TBC1D4: variants seen among roughly 807,000 people sequenced by gnomAD.
The protein encoded by TBC1D4 is TBC1 domain family member 4, also known as TBC (Tre-2, BUB2, CDC16) domain-containing protein.
In TBC1D4, 121 loss-of-function variants were observed where a neutral mutation model predicts 142.5. That is an observed-to-expected ratio of 0.85 (90% CI 0.73 to 0.99). The LOEUF is 0.99. Ranked by LOEUF, TBC1D4 falls within the 50% of genes least tolerant of loss-of-function variation. The probability of loss-of-function intolerance (pLI) is 0.00; values close to 1 mark genes in which losing one functional copy is unlikely to be tolerated. For synonymous variants in TBC1D4, 630 were observed against 628.2 expected (o/e 1.00, Z -0.04); for missense variants, 1,475 against 1,606.6 (o/e 0.92, Z 1.40).
Position 75,362,717 on chromosome 13 carries a change from C to G in TBC1D4, c.499-110G>C. On this transcript the variant is annotated intron_variant, in intron 1 of 20. Transcript: ENST00000377636. The surrounding 1 kb of genome is among the most constrained non-coding windows in gnomAD (Gnocchi z 4.2). ...ATGTATTTTCATCCTAAATAATATA[C>G]AAAGTAATAGACACTACACGAGACA... 5.1e-6 allele frequency: 6 copies of G among 1,178,048 alleles called. No homozygotes were observed. The highest frequency in any genetic ancestry group is 7.4e-6 in the Non-Finnish European group (6 of 812,920). The allele number at this position is 1,178,048 out of a possible 1,614,324, so 73.0% of individuals were successfully genotyped here. A position where few individuals can be genotyped will look rare whatever the true frequency, so the allele number is the denominator to read the frequency against.
intron 1 of TBC1D4, among the ~76,000 whole-genome samples, chr13:75,420,631 A>G (rs1399056475): frequency 6.6e-6 from 1 of 152,240 alleles, no homozygotes; most frequent in African/African-American, 2.4e-5. Flanking sequence ...TTAGATCTCT[A>G]GTAAAGCTTT....
chr13:75,364,080 C>A (rs1194898506), intron 1 of TBC1D4, among the ~76,000 whole-genome samples: 2 of 152,044 alleles, frequency 1.3e-5, no homozygotes, highest in African/African-American at 4.8e-5. Context: ...CTCAAAGGGG[C>A]AGGGTGGGGA....
chr13:75,317,202 C>T (rs981093741), intron 12 of TBC1D4, among the ~76,000 whole-genome samples: 1 of 152,154 alleles, frequency 6.6e-6, no homozygotes, highest in Non-Finnish European at 1.5e-5. Flanking sequence ...GTAAATACTC[C>T]TTGCATTAGT....
intron 4 of TBC1D4, among the ~76,000 whole-genome samples, chr13:75,353,592 C>G (rs1302546108): frequency 2.6e-5 from 4 of 151,974 alleles, no homozygotes; most frequent in African/African-American, 4.8e-5. Context: ...AGAGAACTAA[C>G]AATAGCACAA....
intron 7 of TBC1D4, among the ~76,000 whole-genome samples, chr13:75,340,775 C>T (rs749429393): frequency 3.2e-4 from 49 of 152,040 alleles, no homozygotes; most frequent in Non-Finnish European, 6.5e-4. Flanking sequence ...GGAGAAACCC[C>T]GTCTCTACTA....
chr13:75,430,259 G>C (rs1299947087), intron 1 of TBC1D4, among the ~76,000 whole-genome samples: 1 of 152,158 alleles, frequency 6.6e-6, no homozygotes, highest in Non-Finnish European at 1.5e-5. Flanking sequence ...CCTTTAGTTG[G>C]AAGACATTCC....
At chr13:75,296,686 CAG>C (rs768513794) in intron 17 of TBC1D4, among the ~76,000 whole-genome samples, 23 of 151,264 alleles carry the variant, frequency 1.5e-4, no homozygotes, top group Admixed American at 4.0e-4. Context: ...GAAAGATGCA[CAG>C]AGAGAGATAA....
intron 12 of TBC1D4, among the ~76,000 whole-genome samples, chr13:75,319,616 G>A (rs930611102): frequency 7.9e-5 from 12 of 152,200 alleles, no homozygotes; most frequent in Admixed American, 5.2e-4. Context: ...TCAATTTTGT[G>A]AGTACGTTTC....
intron 1 of TBC1D4, among the ~76,000 whole-genome samples, chr13:75,436,283 G>A (rs925017636): frequency 3.9e-5 from 6 of 151,970 alleles, no homozygotes; most frequent in South Asian, 2.1e-4. Context: ...ACCCAGTCTC[G>A]GGTATTTCTT....
intron 1 of TBC1D4, among the ~76,000 whole-genome samples, chr13:75,409,965 A>C (rs2138391128): frequency 6.6e-6 from 1 of 152,294 alleles, no homozygotes; most frequent in Admixed American, 6.5e-5. Flanking sequence ...GTTGTAAAGG[A>C]TTTCCCCAGC....
At chr13:75,399,070 G>A (rs73535658) in intron 1 of TBC1D4, among the ~76,000 whole-genome samples, 5,240 of 152,238 alleles carry the variant, frequency 0.034, 317 homozygotes, top group African/African-American at 0.12. Context: ...AGGCGGGCGC[G>A]GTGGCTCACG....
At chr13:75,396,634 A>T (rs1433607706) in intron 1 of TBC1D4, among the ~76,000 whole-genome samples, 1 of 152,152 alleles carries the variant, frequency 6.6e-6, no homozygotes, top group Non-Finnish European at 1.5e-5. Context: ...CCAATAACTA[A>T]TGTCTGAATG....
Position 75,341,230 on chromosome 13 carries a change from C to A in TBC1D4, c.1506G>T (p.Met502Ile). 1 of 1,613,684 alleles carries A rather than the reference C, an allele frequency of 6.2e-7. No individual in the cohort carries two copies. Among genetic ancestry groups the A allele is most frequent in the East Asian group, 2.2e-5 (1 of 44,816 alleles). Residue 502 changes from methionine (M) to isoleucine (I), a missense_variant, in exon 7 of 21, where the codon ATG (methionine) becomes ATT (isoleucine). Around this residue, in one of 2 missense-constraint regions of TBC1D4, gnomAD observed 1,227 missense variants for 1,267.7 expected, o/e 0.97. Transcript: ENST00000377636. Reference sequence around the variant, plus strand: ...TTTCTTCCTGGTCACTGACTGGCTTCATTTTCTGTTCAACAGACAAACCAA... The same window carrying A: ...TTTCTTCCTGGTCACTGACTGGCTTAATTTTCTGTTCAACAGACAAACCAA... Reference protein sequence around the residue: ...QADIFERVQKMKPVSDQEENE... With the variant: ...QADIFERVQKIKPVSDQEENE...
At chr13:75,310,215 A>G in intron 13 of TBC1D4, 64 bp from the exon 14 acceptor site, 1 of 1,490,906 alleles carries the variant, frequency 6.7e-7, no homozygotes, top group Non-Finnish European at 9.2e-7. Flanking sequence ...AAGTTTCTGT[A>G]GAATTCACAT....
chr13:75,383,869 A>G (rs1040203578), intron 1 of TBC1D4, among the ~76,000 whole-genome samples: 1 of 151,962 alleles, frequency 6.6e-6, no homozygotes, highest in Non-Finnish European at 1.5e-5. Flanking sequence ...CTTGCTGAGC[A>G]CTCATTCTTA....
intron 1 of TBC1D4, among the ~76,000 whole-genome samples, chr13:75,447,500 A>ATGTGTGTGTGTGTGTG (rs35775136): frequency 3.9e-4 from 57 of 145,340 alleles, no homozygotes; most frequent in African/African-American, 1.2e-3. Flanking sequence ...CATAGTGTGA[A>ATGTGTGTGTGTGTGTG]TGTGTGTGTG....
In TBC1D4 at chr13:75,399,986, C is replaced by A. The variant is rs187519392; in HGVS notation, c.499-37379G>T. ...ATTCCCAGCCAGCCCCTAGATGACA[C>A]CACAAGGTCAGCCGAGGCACCACCC... On this transcript the variant is annotated intron_variant, in intron 1 of 20. Coordinates refer to ENST00000377636, the MANE Select transcript of TBC1D4 (RefSeq NM_014832.5). Among the ~76,000 whole-genome samples, 689 of 152,212 alleles carry A rather than the reference C, an allele frequency of 4.5e-3. 6 individuals carry two copies. The highest frequency in any genetic ancestry group is 6.6e-3 in the Non-Finnish European group (448 of 68,008).
At chr13:75,476,962 T>C (rs573924558) in intron 1 of TBC1D4, among the ~76,000 whole-genome samples, 1 of 152,296 alleles carries the variant, frequency 6.6e-6, no homozygotes, top group East Asian at 1.9e-4. Context: ...ATTTTCAGCT[T>C]AGGGCTCCTA....
At chr13:75,398,793 A>G (rs1884932985) in intron 1 of TBC1D4, among the ~76,000 whole-genome samples, 1 of 152,334 alleles carries the variant, frequency 6.6e-6, no homozygotes, top group African/African-American at 2.4e-5. Context: ...CATGGTTAGT[A>G]TCAAGAAAGT....
Sources: allele counts gnomAD v4.1 joint callset (sites outside exome capture counted in the v4.1 genomes callset), GRCh38; gene constraint gnomAD v4.1.1; regional missense constraint gnomAD v4.1.1; non-coding constraint Gnocchi (gnomAD v3.1); transcripts MANE v1.5; gene names NCBI Gene and HGNC (gene_info 2026-07-23, HGNC 2026-07-21).